PGPEP1L: variants seen among roughly 807,000 people sequenced by gnomAD.
PGPEP1L encodes pyroglutamyl-peptidase I like.
Under a neutral mutation model 6.0 loss-of-function variants are expected in PGPEP1L, and 7 were observed. The ratio of observed to expected loss-of-function variants is 1.17; its 90% CI spans 0.66 to 2.19. The LOEUF is 2.19. Among genes scored for constraint, PGPEP1L ranks in the 30% most tolerant of loss-of-function variants. PGPEP1L has a pLI of 0.00. For synonymous variants in PGPEP1L, 103 were observed against 83.9 expected (o/e 1.23, Z -1.24); for missense variants, 209 against 192.5 (o/e 1.09, Z -0.51).
intron 2 of PGPEP1L, among the ~76,000 whole-genome samples, chr15:98,975,321 G>A (rs2151755612): frequency 6.6e-6 from 1 of 152,264 alleles, no homozygotes; most frequent in African/African-American, 2.4e-5. Context: ...AAGGTGGGAA[G>A]GGATGAACGG....
At chr15:98,977,796 A>G (rs1234182477) in intron 2 of PGPEP1L, among the ~76,000 whole-genome samples, 1 of 152,212 alleles carries the variant, frequency 6.6e-6, no homozygotes, top group East Asian at 1.9e-4. Flanking sequence ...CTGTGAATTT[A>G]TCTATTCTCC....
rs537580771 is a variant in PGPEP1L at position 98,971,170 on chromosome 15, G to C, written c.-141-12C>G. On this transcript the variant is annotated splice_polypyrimidine_tract_variant and intron_variant, in intron 2 of 4. Transcript: ENST00000535714. Reference sequence around the variant, plus strand: ...AGCTTGGAGAGCTCCTGAGGAAAGCGGCAGGTGGACTTGCCTCAGTTGATG... The same window carrying C: ...AGCTTGGAGAGCTCCTGAGGAAAGCCGCAGGTGGACTTGCCTCAGTTGATG... 6.9e-6 allele frequency: 10 copies of C among 1,457,946 alleles called. No individual in the cohort carries two copies. The South Asian group carries it at 1.1e-4, about 15-fold the overall frequency. The allele number at this position is 1,457,946 out of a possible 1,614,324, so 90.3% of individuals were successfully genotyped here.
intron 2 of PGPEP1L, among the ~76,000 whole-genome samples, chr15:98,985,680 G>A (rs761529534): frequency 8.5e-5 from 13 of 152,242 alleles, no homozygotes; most frequent in Non-Finnish European, 1.3e-4. Flanking sequence ...ACCAACTGAG[G>A]TTGGAATTCA....
In PGPEP1L at chr15:98,979,628, CTATTCTTTTTTTTTTTT is replaced by C. The variant is rs1321284216; in HGVS notation, c.-141-8487_-141-8471del. 9.0e-3 allele frequency among the ~76,000 whole-genome samples: 680 copies of C among 75,904 alleles called. 11 individuals are homozygous for C. The highest frequency in any genetic ancestry group is 0.02 in the Middle Eastern group (2 of 100). 49.8% of individuals were successfully genotyped at this position (75,904 alleles called of 152,430 possible). A position where few individuals can be genotyped will look rare whatever the true frequency, so the allele number is the denominator to read the frequency against. ...ATAGCAACCTGGATGGGATTGGAGA[CTATTCTTTTTTTTTTTT>C]TTTTTTTTTTTTTTTTTTTTTTGGA... is the stretch of plus-strand genomic sequence containing the variant. On this transcript the variant is annotated intron_variant, in intron 2 of 4. Transcript: ENST00000535714.
chr15:98,971,260 G>T, intron 2 of PGPEP1L, 102 bp from the exon 3 acceptor site: 1 of 1,389,822 alleles, frequency 7.2e-7, no homozygotes. Flanking sequence ...TACTTCCAGG[G>T]GTCTTCCGCA....
intron 2 of PGPEP1L, among the ~76,000 whole-genome samples, chr15:98,980,763 C>T (rs137860727): frequency 2.4e-4 from 37 of 152,118 alleles, no homozygotes; most frequent in African/African-American, 8.0e-4. Flanking sequence ...GAAACCCCGT[C>T]GCTACTAAAA....
At chr15:98,991,128 A>C (rs1163506196) in intron 2 of PGPEP1L, among the ~76,000 whole-genome samples, 2 of 152,140 alleles carry the variant, frequency 1.3e-5, no homozygotes, top group Non-Finnish European at 2.9e-5. Context: ...ATTGAAGGAG[A>C]TAGAGGCATG....
chr15:98,969,517 T>C lies in PGPEP1L; in HGVS notation c.117A>G (p.Pro39=). The change falls in exon 4 of 5, where the codon CCA becomes CCG. Residue 39 remains proline, a synonymous_variant. Transcript: ENST00000535714. ...TGCAGACCCCTGACTCCAGCACGTCTGGGCTGCCAGGTAGGCACACGCCGC... is the reference window on the plus strand; with the variant it reads ...TGCAGACCCCTGACTCCAGCACGTCCGGGCTGCCAGGTAGGCACACGCCGC... ...PEGGVCLPGS[P]DVLESGVCMK... is the part of the protein sequence containing the mutation. 1.2e-6 allele frequency: 2 copies of C among 1,614,048 alleles called. No homozygotes were observed. The highest frequency in any genetic ancestry group is 1.7e-6 in the Non-Finnish European group (2 of 1,179,906).
chr15:98,969,229 TCA>T (rs529146270), intron 4 of PGPEP1L, among the ~76,000 whole-genome samples, 194 bp downstream of exon 4: 114 of 152,206 alleles, frequency 7.5e-4, no homozygotes, highest in Middle Eastern at 3.4e-3. Context: ...CAGGCAGGTC[TCA>T]CAAACGAGAC....
chr15:98,981,506 AC>A (rs758672089), intron 2 of PGPEP1L, among the ~76,000 whole-genome samples: 5 of 141,292 alleles, frequency 3.5e-5, no homozygotes, highest in East Asian at 2.1e-4. Flanking sequence ...AAAAAAAAAA[AC>A]AAAAACAAAA....
At chr15:99,006,663 T>C (rs2018069530) in intron 1 of PGPEP1L, among the ~76,000 whole-genome samples, 1 of 152,144 alleles carries the variant, frequency 6.6e-6, no homozygotes, top group Non-Finnish European at 1.5e-5. Context: ...ACTGCATCAA[T>C]TATTTTTTTC....
At chr15:98,974,573 C>T (rs988127866) in intron 2 of PGPEP1L, among the ~76,000 whole-genome samples, 1 of 152,086 alleles carries the variant, frequency 6.6e-6, no homozygotes, top group Non-Finnish European at 1.5e-5. Flanking sequence ...ACTTAATGAG[C>T]TGATACCAAT....
At chr15:98,972,006 T>C (rs2017504390) in intron 2 of PGPEP1L, among the ~76,000 whole-genome samples, 1 of 152,214 alleles carries the variant, frequency 6.6e-6, no homozygotes, top group East Asian at 1.9e-4. Flanking sequence ...TCCAATTTTT[T>C]TATAAGCCTC....
At chr15:98,972,474 G>C (rs1056323421) in intron 2 of PGPEP1L, among the ~76,000 whole-genome samples, 1 of 151,990 alleles carries the variant, frequency 6.6e-6, no homozygotes, top group African/African-American at 2.4e-5. Flanking sequence ...AAAGGAAGAA[G>C]GGATCTACAA....
intron 2 of PGPEP1L, among the ~76,000 whole-genome samples, chr15:98,984,653 T>G (rs1365427079): frequency 2.0e-5 from 3 of 152,160 alleles, no homozygotes; most frequent in African/African-American, 7.2e-5. Context: ...GGCTGTATAC[T>G]GGCACTTTCA....
At chr15:98,980,396 G>A (rs1363054759) in intron 2 of PGPEP1L, among the ~76,000 whole-genome samples, 1 of 152,156 alleles carries the variant, frequency 6.6e-6, no homozygotes, top group Non-Finnish European at 1.5e-5. Flanking sequence ...ACAAGCCATA[G>A]GCCAAAATAT....
At position 98,968,497 on chromosome 15, in the gene PGPEP1L, A is replaced by G; in HGVS notation, c.410T>C (p.Leu137Pro). ...AQFEENSTMV[L>P]PAKGN ...CCCCGGTCAGTTCCCTTTGGCTGGA[A>G]GGACCATGGTTGAGTTTTCTTCGAA... The change falls in exon 5 of 5, where the codon CTT (leucine) becomes CCT (proline). Residue 137 changes from leucine to proline, a missense_variant. By Grantham distance (98) the Leu-to-Pro change is moderately conservative. Transcript: ENST00000535714. 6.2e-7 allele frequency: 1 copy of G among 1,613,498 alleles called. No homozygotes were observed. Among genetic ancestry groups the G allele is most frequent in the Non-Finnish European group, 8.5e-7 (1 of 1,179,730 alleles).
intron 2 of PGPEP1L, among the ~76,000 whole-genome samples, chr15:99,004,515 C>T (rs1308496883): frequency 2.0e-5 from 3 of 152,072 alleles, no homozygotes; most frequent in African/African-American, 4.8e-5. Flanking sequence ...GTCAAGAGAT[C>T]GAAACCATCC....
intron 2 of PGPEP1L, among the ~76,000 whole-genome samples, chr15:98,977,858 G>C (rs1016368005): frequency 6.6e-5 from 10 of 152,170 alleles, no homozygotes; most frequent in Admixed American, 5.9e-4. Context: ...CTGTTATTAG[G>C]AGCATGAATG....
Sources: allele counts gnomAD v4.1 joint callset (sites outside exome capture counted in the v4.1 genomes callset), GRCh38; gene constraint gnomAD v4.1.1; transcripts MANE v1.5; gene names NCBI Gene and HGNC (gene_info 2026-07-23, HGNC 2026-07-21).